The following STRBP variants were observed in gnomAD, a reference collection of about 807,000 sequenced individuals.
The protein encoded by STRBP is spermatid perinuclear RNA-binding protein.
Under a neutral mutation model 80.1 loss-of-function variants are expected in STRBP, and 13 were observed. That is an observed-to-expected ratio of 0.16 (90% CI 0.11 to 0.26). The LOEUF is 0.26. Among genes scored for constraint, STRBP ranks in the 10% least tolerant of loss-of-function variants. STRBP has a pLI of 1.00. For missense variants in STRBP, 485 were observed against 815.2 expected (o/e 0.59, Z 4.93); for synonymous variants, 284 against 291.2 (o/e 0.98, Z 0.25).
At chr9:123,206,330 C>A (rs1048892119) in intron 2 of STRBP, among the ~76,000 whole-genome samples, 1 of 152,078 alleles carries the variant, frequency 6.6e-6, no homozygotes, top group Non-Finnish European at 1.5e-5. Flanking sequence ...AATTCGGACA[C>A]TGAATATTTG....
intron 11 of STRBP, among the ~76,000 whole-genome samples, chr9:123,149,789 T>C (rs2036977586): frequency 6.6e-6 from 1 of 152,218 alleles, no homozygotes; most frequent in Non-Finnish European, 1.5e-5. Context: ...CATGAAGCCA[T>C]TACCTTTACT....
At chr9:123,233,045 T>G (rs2040441200) in intron 2 of STRBP, among the ~76,000 whole-genome samples, 1 of 152,194 alleles carries the variant, frequency 6.6e-6, no homozygotes, top group Non-Finnish European at 1.5e-5. Context: ...CATGGCACAC[T>G]AACAGTTATA....
chr9:123,188,476 C>T (rs2038790802), intron 2 of STRBP, among the ~76,000 whole-genome samples: 1 of 151,962 alleles, frequency 6.6e-6, no homozygotes. Flanking sequence ...CTTGTCTCCA[C>T]TAAAAAATAC....
At chr9:123,140,995 A>G (rs150292633) in intron 13 of STRBP, among the ~76,000 whole-genome samples, 24 of 152,362 alleles carry the variant, frequency 1.6e-4, no homozygotes, top group Non-Finnish European at 3.1e-4. Context: ...GGTTTACATC[A>G]GAGGATATAG....
chr9:123,152,540 T>C (rs1474853122), intron 11 of STRBP, among the ~76,000 whole-genome samples: 2 of 152,030 alleles, frequency 1.3e-5, no homozygotes, highest in Admixed American at 1.3e-4. Context: ...GGAATACTAC[T>C]GAACAAGAAG....
intron 1 of STRBP, among the ~76,000 whole-genome samples, chr9:123,248,580 T>A (rs1356617682): frequency 6.6e-6 from 1 of 152,186 alleles, no homozygotes; most frequent in Non-Finnish European, 1.5e-5. Context: ...GAATTATTTT[T>A]TTAAGGCAAA....
Position 123,125,747 on chromosome 9 carries a change from T to G in STRBP, c.1943-74A>C, listed in dbSNP as rs952051147. 4.1e-6 allele frequency: 5 copies of G among 1,206,406 alleles called. No homozygotes were observed. In the African/African-American group the frequency reaches 6.1e-5, roughly 15 times the overall value. The allele number at this position is 1,206,406 out of a possible 1,614,324, so 74.7% of individuals were successfully genotyped here. A position where few individuals can be genotyped will look rare whatever the true frequency, so the allele number is the denominator to read the frequency against. ...AATAAAAATTTCAGGTAAAAAAATA[T>G]CTGACAGTAATTATCATTAACCTTT... On this transcript the variant is annotated intron_variant, in intron 18 of 18. Coordinates refer to ENST00000348403, the MANE Select transcript of STRBP (RefSeq NM_018387.5).
chr9:123,169,873 C>CATATATATAT lies in STRBP; in HGVS notation c.535+19_535+28dup, dbSNP rs59261791. On this transcript the variant is annotated intron_variant, in intron 6 of 18. Coordinates refer to ENST00000348403, the MANE Select transcript of STRBP (RefSeq NM_018387.5). ...AACAAACAACAACAACAAATATATACATATATATATATATATATACATGTG... is the reference window on the plus strand; with the variant it reads ...AACAAACAACAACAACAAATATATACATATATATATATATATATATATATATATACATGTG... 9.1e-6 allele frequency: 9 copies of CATATATATAT among 992,910 alleles called. No individual in the cohort carries two copies. In the African/African-American group the frequency reaches 1.5e-4, roughly 17 times the overall value. The allele number at this position is 992,910 out of a possible 1,614,324, so 61.5% of individuals were successfully genotyped here. A position where few individuals can be genotyped will look rare whatever the true frequency, so the allele number is the denominator to read the frequency against.
Position 123,146,866 on chromosome 9 carries a change from C to T in STRBP, c.1327G>A (p.Val443Ile), listed in dbSNP as rs370512346. 84 of 1,611,674 alleles carry T rather than the reference C, an allele frequency of 5.2e-5. No homozygotes were observed. Among genetic ancestry groups the T allele is most frequent in the Non-Finnish European group, 6.7e-5 (79 of 1,178,412 alleles). Residue 443 changes from valine (V) to isoleucine (I), a missense_variant, in exon 13 of 19, where the codon GTA (valine) becomes ATA (isoleucine). By Grantham distance (29) the Val-to-Ile change is conservative (BLOSUM62 3). Transcript: ENST00000348403. ...GPSKKTAKLHVAVKVLQAMGY... is the reference protein window; with the variant it reads ...GPSKKTAKLHIAVKVLQAMGY... ...AACAAATACTGTACCTTCACCGCTACGTGAAGTTTTGCTGTTTTCTTGGAT... is the reference window on the plus strand; with the variant it reads ...AACAAATACTGTACCTTCACCGCTATGTGAAGTTTTGCTGTTTTCTTGGAT...
At chr9:123,174,407 C>A (rs1479796234) in intron 4 of STRBP, among the ~76,000 whole-genome samples, 1 of 152,192 alleles carries the variant, frequency 6.6e-6, no homozygotes, top group Non-Finnish European at 1.5e-5. Context: ...CACTGCACTC[C>A]AGCGTGGGTG....
intron 7 of STRBP, among the ~76,000 whole-genome samples, 162 bp downstream of exon 7, chr9:123,160,815 C>T (rs2037491706): frequency 6.6e-6 from 1 of 152,144 alleles, no homozygotes; most frequent in African/African-American, 2.4e-5. Context: ...AGAAGCTATA[C>T]TAGGCACATA....
rs948988135 is a variant in STRBP at position 123,190,942 on chromosome 9, T to C, written c.-164-6644A>G. The stretch of plus-strand genomic sequence containing the variant: ...CTCACTTGTTGAAAGAACCAAAAAT[T>C]CAATGCATTTCAACAAGTATTTACC... On this transcript the variant is annotated intron_variant, in intron 2 of 18. Transcript: ENST00000348403. 3.9e-5 allele frequency among the ~76,000 whole-genome samples: 6 copies of C among 152,096 alleles called. 1 individual carries two copies. Among genetic ancestry groups the C allele is most frequent in the Admixed American group, 1.3e-4 (2 of 15,266 alleles).
intron 13 of STRBP, among the ~76,000 whole-genome samples, chr9:123,143,218 C>T (rs1034398301): frequency 3.9e-5 from 6 of 152,190 alleles, no homozygotes; most frequent in Admixed American, 2.0e-4. Context: ...TCTAGCTGAT[C>T]TTTTCCTCAC....
intron 16 of STRBP, 94 bp from the exon 17 acceptor site, chr9:123,133,062 T>G: frequency 6.7e-7 from 1 of 1,501,924 alleles, no homozygotes; most frequent in South Asian, 1.3e-5. Flanking sequence ...TGAGAAACTG[T>G]GAGCACGTGG....
At chr9:123,198,991 C>G (rs939919170) in intron 2 of STRBP, among the ~76,000 whole-genome samples, 32 of 152,216 alleles carry the variant, frequency 2.1e-4, no homozygotes, top group African/African-American at 7.7e-4. Context: ...TGTCGCCAGG[C>G]TGGAGTGCAG....
chr9:123,109,699 C>T (rs1482201006), exon 4 of STRBP: 1 of 152,212 alleles, frequency 6.6e-6, no homozygotes, highest in Non-Finnish European at 1.5e-5. Context: ...GGCCAGGTAT[C>T]TCTGGGCGAG....
At chr9:123,143,154 A>G in intron 13 of STRBP, among the ~76,000 whole-genome samples, 1 of 152,310 alleles carries the variant, frequency 6.6e-6, no homozygotes, top group African/African-American at 2.4e-5. Flanking sequence ...TTCTCAGGAA[A>G]TCTGATGTCT....
chr9:123,115,260 C>A lies in STRBP; in HGVS notation c.*84+669G>T. On this transcript the variant is annotated intron_variant and NMD_transcript_variant, in intron 3 of 3. Coordinates refer to the STRBP transcript ENST00000471564. The surrounding 1 kb of genome is among the most constrained non-coding windows in gnomAD (Gnocchi z 5.0). The stretch of plus-strand genomic sequence containing the variant: ...CTCCCCTCCTGGGGATCCCGTCTGG[C>A]TCAGTGGGAAGCCTATCGCTCTTGG... 2.1e-6 allele frequency: 1 copy of A among 471,230 alleles called. No homozygotes were observed. Among genetic ancestry groups the A allele is most frequent in the Non-Finnish European group, 4.4e-6 (1 of 227,050 alleles). The allele number at this position is 471,230 out of a possible 1,614,324, so 29.2% of individuals were successfully genotyped here. A position where few individuals can be genotyped will look rare whatever the true frequency, so the allele number is the denominator to read the frequency against.
intron 2 of STRBP, among the ~76,000 whole-genome samples, chr9:123,205,495 C>G (rs986311357): frequency 6.6e-6 from 1 of 152,084 alleles, no homozygotes; most frequent in African/African-American, 2.4e-5. Context: ...GTTTGCAAAA[C>G]GAACTTAGAA....
Sources: gnomAD v4.1 joint callset for allele counts (sites outside exome capture counted in the v4.1 genomes callset) on GRCh38, gnomAD v4.1.1 for gene constraint, Gnocchi (gnomAD v3.1) non-coding constraint, MANE v1.5 for transcripts, NCBI Gene and HGNC (gene_info 2026-07-23, HGNC 2026-07-21) for gene names.